Variants in LAMA1 observed in about 807,000 individuals in gnomAD.
LAMA1 encodes the protein laminin subunit alpha-1.
A neutral mutation model predicts 348.7 loss-of-function variants in LAMA1; 219 were observed. The ratio of observed to expected loss-of-function variants is 0.63; its 90% CI spans 0.56 to 0.70. LAMA1 has a LOEUF of 0.70. Ranked by LOEUF, LAMA1 falls within the 30% of genes least tolerant of loss-of-function variation. The pLI, the probability that LAMA1 is intolerant of heterozygous loss-of-function variation, is 0.00. For synonymous variants in LAMA1, 1,487 were observed against 1,491.0 expected, an observed-to-expected ratio of 1.00 and a Z score of 0.06; for missense variants, 3,744 against 3,888.0, an observed-to-expected ratio of 0.96 and a Z score of 0.99.
At chr18:6,960,304 T>C (rs1355693579) in intron 53 of LAMA1, 1 of 153,632 alleles carries the variant, frequency 6.5e-6, no homozygotes, top group Non-Finnish European at 1.4e-5. Context: ...ATGAACACAC[T>C]GTGGTATGTA....
At chr18:6,955,248 T>G (rs966571091) in intron 57 of LAMA1, 105 bp downstream of exon 57, 16 of 886,640 alleles carry the variant, frequency 1.8e-5, no homozygotes, top group Non-Finnish European at 2.8e-5. Context: ...AAGCACTTCA[T>G]CATAAAATAA....
chr18:7,062,611 A>G (rs901103113), intron 3 of LAMA1, among the ~76,000 whole-genome samples: 1 of 152,206 alleles, frequency 6.6e-6, no homozygotes, highest in African/African-American at 2.4e-5. Context: ...AAGAGACCAG[A>G]GCAGAGATAA....
chr18:7,107,942 A>G (rs1380686827), intron 1 of LAMA1, among the ~76,000 whole-genome samples: 1 of 151,902 alleles, frequency 6.6e-6, no homozygotes, highest in Non-Finnish European at 1.5e-5. Context: ...TGAATCTGGG[A>G]GGCAGAGCTT....
chr18:7,102,015 C>T (rs1321297051), intron 1 of LAMA1, among the ~76,000 whole-genome samples: 3 of 151,968 alleles, frequency 2.0e-5, no homozygotes, highest in Admixed American at 2.0e-4. Flanking sequence ...TCTTTATTAG[C>T]TGATTCCTTC....
At chr18:6,954,539 C>G (rs74695546) in intron 57 of LAMA1, 11,798 of 152,962 alleles carry the variant, frequency 0.077, 1,550 homozygotes, top group African/African-American at 0.27. Flanking sequence ...CTTTTAAAGT[C>G]GAGACTGTGA....
intron 15 of LAMA1, among the ~76,000 whole-genome samples, chr18:7,032,630 G>A (rs2057975546): frequency 6.6e-6 from 1 of 152,202 alleles, no homozygotes; most frequent in South Asian, 2.1e-4. Flanking sequence ...GGGCTGGCTT[G>A]TCTAAAGCTA....
In LAMA1 at chr18:7,050,891, G is replaced by C; in HGVS notation, c.391C>G (p.Arg131Gly). 1 of 1,614,158 alleles carries C rather than the reference G, an allele frequency of 6.2e-7. No homozygotes were observed. The highest frequency in any genetic ancestry group is 8.5e-7 in the Non-Finnish European group (1 of 1,180,036). The change falls in exon 4 of 63, where the codon CGA (arginine) becomes GGA (glycine). Residue 131 changes from arginine (R) to glycine (G), a missense_variant. Arg to Gly is a moderately radical substitution (Grantham distance 125). Transcript: ENST00000389658. The stretch of plus-strand genomic sequence containing the variant: ...CGCTCCAAAATCCAGTTTCCAGGTC[G>C]AGGGGCATTGGCAGCTTTAATGATG... Reference protein sequence around the residue: ...YVIIKAANAPRPGNWILERSL... With the variant: ...YVIIKAANAPGPGNWILERSL...
chr18:6,957,790 T>C (rs995529296), intron 55 of LAMA1, among the ~76,000 whole-genome samples: 6 of 152,010 alleles, frequency 3.9e-5, no homozygotes, highest in African/African-American at 1.5e-4. Flanking sequence ...CAGTTCTTTT[T>C]TTTTCTGAGA....
rs2057867066 is a variant in LAMA1 at position 7,012,696 on chromosome 18, G to A, written c.3364-558C>T. 1.3e-4 allele frequency among the ~76,000 whole-genome samples: 20 copies of A among 149,258 alleles called. No homozygotes were observed. In the Middle Eastern group the frequency reaches 0.017, roughly 130 times the overall value. On this transcript the variant is annotated intron_variant, in intron 23 of 62. Coordinates refer to ENST00000389658, the MANE Select transcript of LAMA1 (RefSeq NM_005559.4). ...AATTTTGTATTTTTAGTAGAGATGGGGTTTCGCCATGTTGGCCAGGCTGGT... is the reference window on the plus strand; with the variant it reads ...AATTTTGTATTTTTAGTAGAGATGGAGTTTCGCCATGTTGGCCAGGCTGGT...
chr18:7,054,389 CCT>C (rs5822939), intron 3 of LAMA1, among the ~76,000 whole-genome samples: 18,560 of 152,096 alleles, frequency 0.12, 1,440 homozygotes, highest in Admixed American at 0.17. Context: ...ATATCACACC[CCT>C]GTTTTAGTTA....
chr18:6,998,663 C>T (rs1365004533), intron 32 of LAMA1, among the ~76,000 whole-genome samples: 3 of 152,192 alleles, frequency 2.0e-5, no homozygotes, highest in Non-Finnish European at 4.4e-5. Flanking sequence ...CCATTAACCC[C>T]TGAGAAGACA....
intron 19 of LAMA1, among the ~76,000 whole-genome samples, chr18:7,017,588 A>G (rs1250914299): frequency 6.6e-6 from 1 of 152,222 alleles, no homozygotes; most frequent in African/African-American, 2.4e-5. Flanking sequence ...AGGATCCATC[A>G]CAGGAAAAAC....
In LAMA1 at chr18:7,097,845, TC is replaced by T. The variant is rs2058268629; in HGVS notation, c.62-17389del. On this transcript the variant is annotated intron_variant, in intron 1 of 62. Coordinates refer to ENST00000389658, the MANE Select transcript of LAMA1 (RefSeq NM_005559.4). ...CACCTCTCCCTCTCCCTCTCCCCTC[TC>T]CCCTCTCCCCTCTCCCCACGGTCTC... Among the ~76,000 whole-genome samples the T allele has an allele frequency of 3.3e-5, 5 of 150,990 alleles. No homozygotes were observed. In the South Asian group the frequency reaches 6.3e-4, roughly 19 times the overall value.
rs755638808 is a variant in LAMA1 at position 6,993,756 on chromosome 18, G to A, written c.4897-4C>T. ...TACTCGCTAACATCCTAGTGAGCTG[G>A]TGGAAAAATAAAGTCTCAGGTTAGT... On this transcript the variant is annotated splice_region_variant and splice_polypyrimidine_tract_variant and intron_variant, in intron 34 of 62. Coordinates refer to ENST00000389658, the MANE Select transcript of LAMA1 (RefSeq NM_005559.4). The A allele has an allele frequency of 1.9e-6, 3 of 1,562,880 alleles. No homozygotes were observed. Among genetic ancestry groups the A allele is most frequent in the Non-Finnish European group, 2.6e-6 (3 of 1,133,164 alleles).
intron 1 of LAMA1, among the ~76,000 whole-genome samples, chr18:7,085,862 C>T (rs2058215175): frequency 1.3e-5 from 2 of 152,172 alleles, no homozygotes; most frequent in Admixed American, 1.3e-4. Context: ...AAAACAGCAC[C>T]TCTAACAACT....
At chr18:7,059,599 C>T (rs2058094945) in intron 3 of LAMA1, among the ~76,000 whole-genome samples, 1 of 152,176 alleles carries the variant, frequency 6.6e-6, no homozygotes, top group Admixed American at 6.5e-5. Flanking sequence ...ACCTAATTTT[C>T]CAGCATCAGA....
At chr18:7,116,959 G>A (rs2058359148) in intron 1 of LAMA1, among the ~76,000 whole-genome samples, 1 of 152,068 alleles carries the variant, frequency 6.6e-6, no homozygotes, top group Non-Finnish European at 1.5e-5. Flanking sequence ...CCTCGCCCCG[G>A]CGCGCCCACG....
chr18:6,988,041 G>C (rs2057742948), intron 36 of LAMA1, among the ~76,000 whole-genome samples: 1 of 152,106 alleles, frequency 6.6e-6, no homozygotes, highest in Non-Finnish European at 1.5e-5. Context: ...TTGAGCCTGG[G>C]AGGTGGAGGT....
intron 11 of LAMA1, among the ~76,000 whole-genome samples, 187 bp from the exon 12 acceptor site, chr18:7,037,938 G>A (rs931532885): frequency 6.6e-6 from 1 of 152,086 alleles, no homozygotes; most frequent in Non-Finnish European, 1.5e-5. Flanking sequence ...AGGACCAGGA[G>A]GACCTGAGAA....
Sources: gnomAD v4.1 joint callset for allele counts (sites outside exome capture counted in the v4.1 genomes callset) on GRCh38, gnomAD v4.1.1 for gene constraint, MANE v1.5 for transcripts, NCBI Gene and HGNC (gene_info 2026-07-23, HGNC 2026-07-21) for gene names.